The following SCN1A variants were observed in gnomAD, a reference collection of about 807,000 sequenced individuals.
SCN1A encodes sodium voltage-gated channel alpha subunit 1.
A neutral mutation model predicts 193.7 loss-of-function variants in SCN1A; 13 were observed. The ratio of observed to expected loss-of-function variants is 0.07; its 90% CI spans 0.04 to 0.11. SCN1A has a LOEUF of 0.11. Among genes scored for constraint, SCN1A ranks in the 10% least tolerant of loss-of-function variants. The pLI is 1.00. For synonymous variants in SCN1A, 781 were observed against 843.6 expected, an observed-to-expected ratio of 0.93 and a Z score of 1.29; for missense variants, 1,432 against 2,451.1, an observed-to-expected ratio of 0.58 and a Z score of 8.78.
chr2:166,057,619 C>T (rs189488552), intron 5 of SCN1A, among the ~76,000 whole-genome samples: 3 of 151,852 alleles, frequency 2.0e-5, no homozygotes, highest in East Asian at 3.9e-4. Flanking sequence ...GTATAAAAAC[C>T]CTATCATATG....
intron 14 of SCN1A, 25 bp downstream of exon 14, chr2:166,043,644 C>A: frequency 3.7e-6 from 6 of 1,602,304 alleles, no homozygotes; most frequent in African/African-American, 1.3e-5. Flanking sequence ...GCCAGCCATG[C>A]CTGAACTATT....
At position 166,043,936 on chromosome 2, in the gene SCN1A, A is replaced by G; in HGVS notation, c.1776T>C (p.Asp592=). ...TATCCTCAAAGGTGCTGTGCTCATCATCTGCGAAGTCGTTCTCAGATCCCA... is the reference window on the plus strand; with the variant it reads ...TATCCTCAAAGGTGCTGTGCTCATCGTCTGCGAAGTCGTTCTCAGATCCCA... ...KDVGSENDFA[D]DEHSTFEDNE... is the part of the protein sequence containing the mutation. The change falls in exon 14 of 29, where the codon GAT becomes GAC. Residue 592 remains aspartate, a synonymous_variant. Transcript: ENST00000674923. 1 of 1,614,164 alleles carries G rather than the reference A, an allele frequency of 6.2e-7. No homozygotes were observed. Among genetic ancestry groups the G allele is most frequent in the Non-Finnish European group, 8.5e-7 (1 of 1,180,016 alleles).
chr2:166,144,912 C>T (rs1200139819), intron 1 of SCN1A, among the ~76,000 whole-genome samples: 3 of 148,854 alleles, frequency 2.0e-5, no homozygotes, highest in Middle Eastern at 3.7e-3. Context: ...AGTGCAGTGG[C>T]GTGATCTCGG....
intron 1 of SCN1A, among the ~76,000 whole-genome samples, chr2:166,141,606 C>T (rs1300542172): frequency 6.6e-6 from 1 of 152,092 alleles, no homozygotes; most frequent in Non-Finnish European, 1.5e-5. Flanking sequence ...CATAATTTAT[C>T]TCTAATTAGT....
intron 14 of SCN1A, among the ~76,000 whole-genome samples, chr2:166,043,436 T>G (rs1697392104): frequency 6.6e-6 from 1 of 152,232 alleles, no homozygotes; most frequent in Non-Finnish European, 1.5e-5. Context: ...GCAGTAATTA[T>G]TGTGTCTAAT....
intron 2 of SCN1A, among the ~76,000 whole-genome samples, chr2:166,124,039 T>G (rs1690945480): frequency 6.6e-6 from 1 of 152,180 alleles, no homozygotes. Flanking sequence ...TGCATGCCCC[T>G]CTCATCCTCA....
At chr2:166,128,993 A>C (rs896544442), upstream of SCN1A, among the ~76,000 whole-genome samples, 10 of 152,132 alleles carry the variant, frequency 6.6e-5, no homozygotes, top group African/African-American at 2.4e-4. Flanking sequence ...ATTGGAAGTA[A>C]ATATTTCATC....
At chr2:166,145,354 A>G (rs145007147) in intron 1 of SCN1A, among the ~76,000 whole-genome samples, 168 of 152,196 alleles carry the variant, frequency 1.1e-3, no homozygotes, top group Non-Finnish European at 1.9e-3. Flanking sequence ...TGTTTTTAAA[A>G]TTACTTGAAA....
At chr2:166,057,411 A>G (rs1181491050) in intron 5 of SCN1A, among the ~76,000 whole-genome samples, 1 of 152,046 alleles carries the variant, frequency 6.6e-6, no homozygotes, top group African/African-American at 2.4e-5. Flanking sequence ...TCAGGGAAAT[A>G]AGGCCTTACT....
chr2:166,061,541 G>C (rs1031901895), intron 4 of SCN1A, among the ~76,000 whole-genome samples: 5 of 152,106 alleles, frequency 3.3e-5, no homozygotes, highest in Non-Finnish European at 7.4e-5. Context: ...TTATTATATA[G>C]TTTCAAATAG....
At chr2:165,993,210 T>TGTGTGTGTGAGA (rs1344882182) in intron 28 of SCN1A, 3 of 122,764 alleles carry the variant, frequency 2.4e-5, no homozygotes, top group African/African-American at 9.7e-5. Context: ...TGTGTGTGTG[T>TGTGTGTGTGAGA]GAGAGAGAGA....
upstream of SCN1A, among the ~76,000 whole-genome samples, chr2:166,132,619 C>T (rs542797521): frequency 8.5e-5 from 13 of 152,232 alleles, no homozygotes; most frequent in East Asian, 2.5e-3. Context: ...CAATTAAGAA[C>T]TCTCTTTTAG....
At chr2:166,102,153 A>G (rs1688151368) in intron 2 of SCN1A, among the ~76,000 whole-genome samples, 2 of 152,248 alleles carry the variant, frequency 1.3e-5, no homozygotes, top group Admixed American at 6.5e-5. Context: ...AGAAATGAAA[A>G]TCAAAACCAC....
rs370049341 is a variant in SCN1A at position 165,991,251 on chromosome 2, C to T, written c.6024G>A (p.Gly2008=). Residue 2008 remains glycine, a synonymous_variant, in exon 29 of 29, where the codon GGG becomes GGA. Coordinates refer to ENST00000674923, the MANE Select transcript of SCN1A (RefSeq NM_001165963.4). ...TATTTTTATTTATTTTCATTTATTT[C>T]CCTTTGGCTTTTTCATCTTTGCCTT... The part of the protein sequence containing the change: ...EQEGKDEKAK[G]K 9.3e-6 allele frequency: 15 copies of T among 1,611,890 alleles called. No homozygotes were observed. Among genetic ancestry groups the T allele is most frequent in the East Asian group, 4.5e-5 (2 of 44,798 alleles).
intron 2 of SCN1A, among the ~76,000 whole-genome samples, chr2:166,108,709 A>T (rs1688964702): frequency 6.6e-6 from 1 of 152,198 alleles, no homozygotes. Flanking sequence ...AAAGTCACAA[A>T]AGATGACACA....
At chr2:166,108,232 C>A (rs1056994308) in intron 2 of SCN1A, among the ~76,000 whole-genome samples, 1 of 151,546 alleles carries the variant, frequency 6.6e-6, no homozygotes, top group Non-Finnish European at 1.5e-5. Context: ...GAAGGAAATG[C>A]AAATAAAAAA....
intron 4 of SCN1A, among the ~76,000 whole-genome samples, chr2:166,061,568 G>C (rs1683309348): frequency 6.6e-6 from 1 of 152,162 alleles, no homozygotes; most frequent in Non-Finnish European, 1.5e-5. Context: ...GGAAGATATT[G>C]AATGTTCCCA....
rs779001969 is a variant in SCN1A at position 166,052,946 on chromosome 2, G to A, written c.603-3C>T. ...GGTCCACAAACTCTGTGACGTACCT[G>A]TAATAGGGAGTTCACACACAAACAC... On this transcript the variant is annotated splice_polypyrimidine_tract_variant and splice_region_variant and intron_variant, in intron 7 of 28. Coordinates refer to ENST00000674923, the MANE Select transcript of SCN1A (RefSeq NM_001165963.4). The A allele has an allele frequency of 3.7e-6, 6 of 1,609,054 alleles. No individual in the cohort carries two copies. Among genetic ancestry groups the A allele is most frequent in the East Asian group, 4.5e-5 (2 of 44,756 alleles).
chr2:166,086,113 G>T (rs975717548), intron 2 of SCN1A, among the ~76,000 whole-genome samples: 1 of 152,138 alleles, frequency 6.6e-6, no homozygotes, highest in African/African-American at 2.4e-5. Flanking sequence ...GAGTAACCTT[G>T]AAGACTGAAT....
Sources: allele counts gnomAD v4.1 joint callset (sites outside exome capture counted in the v4.1 genomes callset), GRCh38; gene constraint gnomAD v4.1.1; transcripts MANE v1.5; gene names NCBI Gene and HGNC (gene_info 2026-07-23, HGNC 2026-07-21).